ANKS1B: variants seen among roughly 807,000 people sequenced by gnomAD.
The protein encoded by ANKS1B is ankyrin repeat and sterile alpha motif domain containing 1B.
Under a neutral mutation model 148.3 loss-of-function variants are expected in ANKS1B, and 36 were observed. The ratio of observed to expected loss-of-function variants is 0.24; its 90% CI spans 0.19 to 0.32. ANKS1B has a LOEUF of 0.32. Among genes scored for constraint, ANKS1B ranks in the 10% least tolerant of loss-of-function variants. The pLI is 1.00. For missense variants in ANKS1B, 1,157 were observed against 1,542.6 expected (o/e 0.75, Z 4.19); for synonymous variants, 542 against 560.8 (o/e 0.97, Z 0.47).
At chr12:99,439,965 A>G (rs1320819794) in intron 11 of ANKS1B, among the ~76,000 whole-genome samples, 1 of 151,848 alleles carries the variant, frequency 6.6e-6, no homozygotes, top group Non-Finnish European at 1.5e-5. Context: ...ACCACTTACC[A>G]TGAAAGAAAC....
chr12:98,860,258 A>G (rs1437308023), intron 17 of ANKS1B, among the ~76,000 whole-genome samples: 1 of 152,228 alleles, frequency 6.6e-6, no homozygotes, highest in African/African-American at 2.4e-5. Flanking sequence ...TTTGAAAGGG[A>G]CCACAAATTT....
rs116992894 is a variant in ANKS1B, at chr12:99,159,293, G to C, written c.2420-4898C>G. On this transcript the variant is annotated intron_variant, in intron 14 of 26. Transcript: ENST00000683438. ...TTGCCACGTGCGTATATTGTGTGAT[G>C]TTAAGGTTTGGGGCATGAATGATCC... is the stretch of plus-strand genomic sequence containing the variant. 3.3e-3 allele frequency among the ~76,000 whole-genome samples: 502 copies of C among 152,292 alleles called. 5 individuals carry two copies. The highest frequency in any genetic ancestry group is 5.5e-3 in the Non-Finnish European group (372 of 68,016).
At chr12:99,969,981 TA>T (rs35487782) in intron 1 of ANKS1B, among the ~76,000 whole-genome samples, 18,037 of 152,154 alleles carry the variant, frequency 0.12, 1,437 homozygotes, top group Middle Eastern at 0.18. Flanking sequence ...TAATTTTATG[TA>T]AAAAAAGTGG....
At chr12:99,970,139 G>C (rs188985487) in intron 1 of ANKS1B, among the ~76,000 whole-genome samples, 139 of 152,040 alleles carry the variant, frequency 9.1e-4, no homozygotes, top group African/African-American at 3.3e-3. Context: ...ATGTTCTAGG[G>C]GGTTGTAAAA....
intron 12 of ANKS1B, among the ~76,000 whole-genome samples, chr12:99,388,261 C>T (rs939625902): frequency 7.2e-5 from 11 of 152,182 alleles, no homozygotes; most frequent in Non-Finnish European, 1.5e-4. Context: ...GTCTCCCACC[C>T]TCTGTCTTAT....
rs1015356047 is a variant in ANKS1B, at chr12:99,030,165, C to T, written c.2778+22992G>A. Among the ~76,000 whole-genome samples the T allele has an allele frequency of 2.2e-4, 33 of 152,226 alleles. 1 individual carries two copies. Among genetic ancestry groups the T allele is most frequent in the African/African-American group, 8.0e-4 (33 of 41,446 alleles). ...GTCTGCCTGGGCACACGTCAAAGAG[C>T]ACCACCACATCAACTGCATGGCTGC... On this transcript the variant is annotated intron_variant, in intron 17 of 26. Coordinates refer to ENST00000683438, the MANE Select transcript of ANKS1B (RefSeq NM_001352186.2).
chr12:99,952,191 C>A (rs1312919845), intron 1 of ANKS1B, among the ~76,000 whole-genome samples: 1 of 152,070 alleles, frequency 6.6e-6, no homozygotes, highest in Non-Finnish European at 1.5e-5. Context: ...ATGGAGGGCA[C>A]CTGCAAAAGG....
chr12:99,083,998 C>T (rs907328384), intron 16 of ANKS1B: 3 of 152,190 alleles, frequency 2.0e-5, no homozygotes, highest in Non-Finnish European at 4.4e-5. Context: ...GCTACTTTGA[C>T]ACCTTATCTG....
chr12:99,540,832 T>C (rs1237072147), intron 9 of ANKS1B, among the ~76,000 whole-genome samples: 1 of 150,688 alleles, frequency 6.6e-6, no homozygotes, highest in South Asian at 2.1e-4. Flanking sequence ...AATAAAGAAA[T>C]TCAAAGAAAT....
At chr12:99,234,459 A>G (rs999541984) in intron 14 of ANKS1B, among the ~76,000 whole-genome samples, 2 of 152,152 alleles carry the variant, frequency 1.3e-5, no homozygotes, top group African/African-American at 4.8e-5. Context: ...GAATACAGTG[A>G]ATTTAACATT....
At chr12:98,738,318 A>T (rs906912540) in intron 9 of ANKS1B, among the ~76,000 whole-genome samples, 1 of 152,192 alleles carries the variant, frequency 6.6e-6, no homozygotes, top group African/African-American at 2.4e-5. Flanking sequence ...ATCACATAGA[A>T]ATGAATAGAA....
chr12:98,747,093 T>C (rs2097911745), intron 26 of ANKS1B, among the ~76,000 whole-genome samples: 1 of 152,196 alleles, frequency 6.6e-6, no homozygotes, highest in African/African-American at 2.4e-5. Flanking sequence ...AAAAAGCTTC[T>C]GCACAGCGAA....
chr12:98,839,314 G>T (rs1038862218), intron 17 of ANKS1B, among the ~76,000 whole-genome samples: 6 of 152,120 alleles, frequency 3.9e-5, no homozygotes, highest in Non-Finnish European at 5.9e-5. Context: ...AATCCAGGCA[G>T]TAAAAAAATA....
Position 99,121,044 on chromosome 12 carries a change from T to A in ANKS1B, c.2526+33245A>T, listed in dbSNP as rs139318166. On this transcript the variant is annotated intron_variant, in intron 15 of 26. Coordinates refer to ENST00000683438, the MANE Select transcript of ANKS1B (RefSeq NM_001352186.2). ...GATAGGAGATAAATTAAAAATCAGT[T>A]GGGTCTATCCAAAGAGGATAACCCT... Among the ~76,000 whole-genome samples the A allele has an allele frequency of 4.1e-4, 62 of 152,154 alleles. No homozygotes were observed. In the East Asian group the frequency reaches 0.011, roughly 27 times the overall value.
At chr12:98,928,767 C>T (rs532417324) in intron 17 of ANKS1B, among the ~76,000 whole-genome samples, 12 of 151,836 alleles carry the variant, frequency 7.9e-5, no homozygotes, top group Non-Finnish European at 1.8e-4. Context: ...ATTCAACAAA[C>T]CAGGAAAAAA....
At chr12:99,133,772 G>C (rs749640560) in intron 15 of ANKS1B, among the ~76,000 whole-genome samples, 2 of 152,310 alleles carry the variant, frequency 1.3e-5, no homozygotes, top group African/African-American at 2.4e-5. Flanking sequence ...TCAAGTTACT[G>C]CAGAGGCTCT....
At chr12:99,712,194 C>A (rs1048856281) in intron 8 of ANKS1B, among the ~76,000 whole-genome samples, 1 of 152,120 alleles carries the variant, frequency 6.6e-6, no homozygotes, top group Non-Finnish European at 1.5e-5. Flanking sequence ...TTTATCTTTA[C>A]TTGAAAAGTA....
At chr12:99,552,656 A>C (rs1341923168) in intron 9 of ANKS1B, among the ~76,000 whole-genome samples, 1 of 152,248 alleles carries the variant, frequency 6.6e-6, no homozygotes, top group African/African-American at 2.4e-5. Flanking sequence ...AAAATCATAG[A>C]TATAAACAAT....
intron 8 of ANKS1B, among the ~76,000 whole-genome samples, chr12:99,719,890 T>C (rs1477250327): frequency 6.6e-6 from 1 of 152,204 alleles, no homozygotes; most frequent in African/African-American, 2.4e-5. Flanking sequence ...TTCCAACTTA[T>C]ACCCCTCACT....
Sources: gnomAD v4.1 joint callset for allele counts (sites outside exome capture counted in the v4.1 genomes callset) on GRCh38, gnomAD v4.1.1 for gene constraint, MANE v1.5 for transcripts, NCBI Gene and HGNC (gene_info 2026-07-23, HGNC 2026-07-21) for gene names.